NRG1: variants seen among roughly 807,000 people sequenced by gnomAD.
NRG1 encodes the protein neuregulin 1.
Under a neutral mutation model 63.8 loss-of-function variants are expected in NRG1, and 18 were observed. That is an observed-to-expected ratio of 0.28 (90% CI 0.19 to 0.42). The LOEUF is 0.42. NRG1 is among the 10% of genes least tolerant of loss of function. The probability of loss-of-function intolerance (pLI) is 1.00; values close to 1 mark genes in which losing one functional copy is unlikely to be tolerated. For missense variants in NRG1, 762 were observed against 814.7 expected (o/e 0.94, Z 0.79); for synonymous variants, 302 against 301.3 (o/e 1.00, Z -0.02).
rs1817709358 is a variant in NRG1 at position 32,428,520 on chromosome 8, G to A, written c.38-167308G>A. Among the ~76,000 whole-genome samples, 3 of 152,180 alleles carry A rather than the reference G, an allele frequency of 2.0e-5. No homozygotes were observed. The South Asian group carries it at 6.2e-4, about 32-fold the overall frequency. ...GAAGACACATTTTAGGGCTGTTGCT[G>A]CTATAGAACTCCAGGTCTTTCTGCT... On this transcript the variant is annotated intron_variant, in intron 1 of 10. Coordinates refer to the NRG1 transcript ENST00000519301.
intron 11 of NRG1, 26 bp downstream of exon 11, chr8:32,760,432 C>A: frequency 6.2e-7 from 1 of 1,611,864 alleles, no homozygotes; most frequent in Non-Finnish European, 8.5e-7. Flanking sequence ...AAAGCTACTG[C>A]AGAGGAGAAA....
At chr8:32,675,108 A>C (rs888767156) in intron 5 of NRG1, among the ~76,000 whole-genome samples, 4 of 152,162 alleles carry the variant, frequency 2.6e-5, no homozygotes, top group Non-Finnish European at 5.9e-5. Flanking sequence ...ACACTGTACA[A>C]ATTCATGGTG....
intron 1 of NRG1, among the ~76,000 whole-genome samples, chr8:31,808,886 G>A (rs1270021297): frequency 6.6e-6 from 1 of 151,922 alleles, no homozygotes; most frequent in Non-Finnish European, 1.5e-5. Flanking sequence ...ATTTTGTGTT[G>A]TCTTTCTCTT....
intron 1 of NRG1, among the ~76,000 whole-genome samples, chr8:32,563,277 G>A (rs1295487853): frequency 2.0e-5 from 3 of 152,118 alleles, no homozygotes; most frequent in South Asian, 2.1e-4. Context: ...AAAGCCTAAG[G>A]TATTTGAAGA....
chr8:32,715,661 CAG>C (rs1819017762), intron 5 of NRG1, among the ~76,000 whole-genome samples: 1 of 138,276 alleles, frequency 7.2e-6, no homozygotes, highest in Non-Finnish European at 1.5e-5. Flanking sequence ...TTTTTTGAGA[CAG>C]AGTCTTGCTC....
intron 1 of NRG1, among the ~76,000 whole-genome samples, chr8:32,438,438 A>T (rs1186657484): frequency 6.6e-6 from 1 of 152,124 alleles, no homozygotes; most frequent in African/African-American, 2.4e-5. Flanking sequence ...CCATTGAAAG[A>T]TACTTGGGTT....
intron 1 of NRG1, among the ~76,000 whole-genome samples, chr8:32,101,680 T>C (rs566687812): frequency 9.9e-5 from 15 of 152,276 alleles, no homozygotes; most frequent in Admixed American, 9.2e-4. Context: ...AGTTGAAGTA[T>C]GTCTAAAGAA....
chr8:32,036,603 T>C (rs1841804), intron 1 of NRG1, among the ~76,000 whole-genome samples: 51,794 of 152,068 alleles, frequency 0.34, 9,861 homozygotes, highest in East Asian at 0.66. Context: ...CATAATCCCA[T>C]AGTTCACAGA....
At chr8:31,661,079 A>G (rs1805946404) in intron 1 of NRG1, among the ~76,000 whole-genome samples, 1 of 152,196 alleles carries the variant, frequency 6.6e-6, no homozygotes, top group Non-Finnish European at 1.5e-5. Flanking sequence ...GTATTTCCCC[A>G]AACAGTTTAT....
intron 1 of NRG1, among the ~76,000 whole-genome samples, chr8:31,947,267 T>C (rs1802704567): frequency 1.4e-5 from 2 of 145,124 alleles, no homozygotes; most frequent in Non-Finnish European, 3.0e-5. Flanking sequence ...GCCACTGCAG[T>C]CCGCAGTCCG....
intron 1 of NRG1, among the ~76,000 whole-genome samples, chr8:32,496,707 A>T (rs1336844884): frequency 6.6e-6 from 1 of 152,206 alleles, no homozygotes. Context: ...CTGTCTTTTT[A>T]AAATGACTGA....
At chr8:31,766,727 C>T (rs1818102171) in intron 1 of NRG1, among the ~76,000 whole-genome samples, 1 of 152,168 alleles carries the variant, frequency 6.6e-6, no homozygotes. Flanking sequence ...TTTTCTGCCA[C>T]AAGCAATACT....
exon 2 of NRG1, chr8:32,595,915 A>G: frequency 6.2e-7 from 1 of 1,613,778 alleles, no homozygotes; most frequent in Non-Finnish European, 8.5e-7. Context: ...AGTTCTGAAT[A>G]CTCCTCTCTC....
At chr8:32,102,823 T>A (rs1325336801) in intron 1 of NRG1, among the ~76,000 whole-genome samples, 1 of 152,160 alleles carries the variant, frequency 6.6e-6, no homozygotes, top group Non-Finnish European at 1.5e-5. Context: ...TAGCATTGAA[T>A]GCCCTCCATG....
At chr8:32,435,687 C>T (rs1320707975) in intron 1 of NRG1, among the ~76,000 whole-genome samples, 4 of 152,014 alleles carry the variant, frequency 2.6e-5, no homozygotes, top group Non-Finnish European at 5.9e-5. Context: ...AAAAACGTTA[C>T]CAGGCAATAT....
At chr8:32,659,146 C>CTTTTTTTTTTTT (rs11408766) in intron 5 of NRG1, among the ~76,000 whole-genome samples, 1 of 136,032 alleles carries the variant, frequency 7.4e-6, no homozygotes, top group Admixed American at 7.5e-5. Context: ...CTTTTCTTTT[C>CTTTTTTTTTTTT]TTTTTTTTTT....
At chr8:32,121,666 A>C (rs1036394330) in intron 1 of NRG1, among the ~76,000 whole-genome samples, 2 of 151,968 alleles carry the variant, frequency 1.3e-5, no homozygotes, top group Non-Finnish European at 2.9e-5. Flanking sequence ...CATTTTTGAA[A>C]CAAACTATTT....
chr8:32,428,768 A>G (rs1817744351), intron 1 of NRG1, among the ~76,000 whole-genome samples: 1 of 152,202 alleles, frequency 6.6e-6, no homozygotes, highest in Non-Finnish European at 1.5e-5. Flanking sequence ...TATTTCAGCA[A>G]AAGTAATGGA....
chr8:32,292,574 C>T (rs61110549), intron 1 of NRG1, among the ~76,000 whole-genome samples: 7,599 of 152,188 alleles, frequency 0.05, 555 homozygotes, highest in African/African-American at 0.16. Context: ...CTCTCTTGCT[C>T]TCTCTCTCTG....
Sources: allele counts gnomAD v4.1 joint callset (sites outside exome capture counted in the v4.1 genomes callset), GRCh38; gene constraint gnomAD v4.1.1; transcripts MANE v1.5; gene names NCBI Gene and HGNC (gene_info 2026-07-23, HGNC 2026-07-21).